GATA4: variants seen among roughly 807,000 people sequenced by gnomAD.
The protein encoded by GATA4 is GATA binding protein 4.
A neutral mutation model predicts 37.9 loss-of-function variants in GATA4; 7 were observed. The ratio of observed to expected loss-of-function variants is 0.18; its 90% CI spans 0.11 to 0.35. GATA4 has a LOEUF of 0.35. GATA4 is among the 10% of genes least tolerant of loss of function. The pLI, the probability that GATA4 is intolerant of heterozygous loss-of-function variation, is 1.00. For synonymous variants in GATA4, 372 were observed against 292.6 expected (o/e 1.27, Z -2.77); for missense variants, 647 against 653.0 (o/e 0.99, Z 0.10).
At chr8:11,750,384 G>A in intron 4 of GATA4, 148 bp downstream of exon 4, 1 of 1,107,712 alleles carries the variant, frequency 9.0e-7, no homozygotes, top group Non-Finnish European at 1.3e-6. Context: ...TACTTTGCTG[G>A]CCTCTTCCGT....
chr8:11,715,305 G>A (rs981894354), intron 2 of GATA4, among the ~76,000 whole-genome samples: 1 of 152,164 alleles, frequency 6.6e-6, no homozygotes, highest in African/African-American at 2.4e-5. Flanking sequence ...TGGTAGAAAA[G>A]GGACTTTCAC....
intron 5 of GATA4, 135 bp downstream of exon 5, chr8:11,755,268 T>C: frequency 1.4e-6 from 1 of 711,442 alleles, no homozygotes; most frequent in Non-Finnish European, 2.5e-6. Flanking sequence ...TCCCTGGCCT[T>C]TCAGGACAGG....
chr8:11,737,201 G>C (rs1462115836), intron 2 of GATA4, among the ~76,000 whole-genome samples: 2 of 151,324 alleles, frequency 1.3e-5, no homozygotes, highest in Non-Finnish European at 2.9e-5. Flanking sequence ...ACCCTTGCTC[G>C]CCTCCTCTTC....
At chr8:11,750,762 G>T (rs1461959349) in intron 4 of GATA4, among the ~76,000 whole-genome samples, 10 of 104,552 alleles carry the variant, frequency 9.6e-5, no homozygotes, top group African/African-American at 3.5e-4. Flanking sequence ...GTGAAACTTT[G>T]TCTCTACTAA....
intron 2 of GATA4, among the ~76,000 whole-genome samples, chr8:11,714,190 T>G (rs1041811491): frequency 2.6e-5 from 4 of 152,234 alleles, no homozygotes; most frequent in Admixed American, 1.3e-4. Flanking sequence ...ACATAAGCAA[T>G]TATGATATTC....
At chr8:11,702,654 T>C (rs1799721756), upstream of GATA4, among the ~76,000 whole-genome samples, 1 of 150,498 alleles carries the variant, frequency 6.6e-6, no homozygotes, top group South Asian at 2.1e-4. This position sits in a 1 kb window ranked among gnomAD's most constrained non-coding sequence, Gnocchi z 4.4. Flanking sequence ...TGGCGCCAAT[T>C]CTGCTAAGTA....
intron 2 of GATA4, among the ~76,000 whole-genome samples, chr8:11,745,569 G>C (rs1169488784): frequency 6.6e-6 from 1 of 152,064 alleles, no homozygotes; most frequent in Non-Finnish European, 1.5e-5. Flanking sequence ...CTGGGGGACA[G>C]AGTGAGACCC....
chr8:11,712,690 TAA>T (rs3030047), intron 2 of GATA4, among the ~76,000 whole-genome samples: 25 of 92,968 alleles, frequency 2.7e-4, no homozygotes, highest in East Asian at 8.5e-4. Flanking sequence ...ACCACATCTC[TAA>T]AAAAAAAAAA....
At chr8:11,735,853 G>A (rs1405715025) in intron 2 of GATA4, among the ~76,000 whole-genome samples, 1 of 152,138 alleles carries the variant, frequency 6.6e-6, no homozygotes, top group Non-Finnish European at 1.5e-5. Context: ...GAGCCACCGC[G>A]CCTAGCTGAG....
chr8:11,730,870 C>T (rs1316940496), intron 2 of GATA4, among the ~76,000 whole-genome samples: 5 of 152,346 alleles, frequency 3.3e-5, no homozygotes, highest in South Asian at 2.1e-4. Flanking sequence ...CTGACTTCCC[C>T]GGCCAGTGCC....
At chr8:11,694,587 T>C (rs532221647) in intron 1 of GATA4, 1 of 825,946 alleles carries the variant, frequency 1.2e-6, no homozygotes, top group Non-Finnish European at 1.5e-6. Context: ...GAAGCCAAAC[T>C]GTCTGCTTTG....
intron 2 of GATA4, among the ~76,000 whole-genome samples, chr8:11,727,341 G>T (rs1800975064): frequency 6.6e-6 from 1 of 152,150 alleles, no homozygotes; most frequent in Non-Finnish European, 1.5e-5. Flanking sequence ...GAATGGACCC[G>T]CCTGCTGGGA....
At chr8:11,742,281 T>G (rs886951262) in intron 2 of GATA4, among the ~76,000 whole-genome samples, 6 of 152,186 alleles carry the variant, frequency 3.9e-5, no homozygotes, top group Non-Finnish European at 2.9e-5. Flanking sequence ...AAAACCTCTT[T>G]GCATATGAGC....
upstream of GATA4, among the ~76,000 whole-genome samples, chr8:11,688,939 G>A (rs559478704): frequency 6.6e-6 from 1 of 152,154 alleles, no homozygotes; most frequent in Non-Finnish European, 1.5e-5. Flanking sequence ...TGATTTATTT[G>A]GGAGGTGAGC....
intron 4 of GATA4, among the ~76,000 whole-genome samples, chr8:11,752,649 A>G (rs953907363): frequency 6.6e-6 from 1 of 152,212 alleles, no homozygotes; most frequent in Non-Finnish European, 1.5e-5. Flanking sequence ...ATATGTGTAC[A>G]GATGTTTGAG....
intron 2 of GATA4, among the ~76,000 whole-genome samples, chr8:11,725,066 C>G (rs948910317): frequency 1.3e-5 from 2 of 152,250 alleles, no homozygotes; most frequent in African/African-American, 4.8e-5. Context: ...GCCTTTCATT[C>G]TCTGCTGTCC....
intron 2 of GATA4, among the ~76,000 whole-genome samples, chr8:11,721,836 C>G (rs1182912146): frequency 7.9e-5 from 12 of 152,172 alleles, no homozygotes; most frequent in African/African-American, 2.9e-4. Flanking sequence ...GGGGACAATA[C>G]TATGATGCAA....
At chr8:11,757,743 G>A (rs1012879796) in intron 6 of GATA4, among the ~76,000 whole-genome samples, 4 of 152,244 alleles carry the variant, frequency 2.6e-5, no homozygotes, top group East Asian at 1.9e-4. Context: ...GGACGATGGC[G>A]TCTCGGCCTC....
rs965948596 is a variant in GATA4, at chr8:11,709,576, G to T, written c.616+648G>T. Among the ~76,000 whole-genome samples, 3 of 41,696 alleles carry T rather than the reference G, an allele frequency of 7.2e-5. No individual in the cohort carries two copies. The highest frequency in any genetic ancestry group is 3.2e-4 in the Non-Finnish European group (3 of 9,458). 27.4% of individuals were successfully genotyped at this position (41,696 alleles called of 152,430 possible). A position where few individuals can be genotyped will look rare whatever the true frequency, so the allele number is the denominator to read the frequency against. On this transcript the variant is annotated intron_variant, in intron 2 of 6. Transcript: ENST00000532059. The surrounding 1 kb of genome is among the most constrained non-coding windows in gnomAD (Gnocchi z 4.3). Reference sequence around the variant, plus strand: ...CGCGTGGGCGCATCATGCGGGCAGCGGGGGGGGGGGCGCACACGCCCGGTC... The same window carrying T: ...CGCGTGGGCGCATCATGCGGGCAGCTGGGGGGGGGGCGCACACGCCCGGTC...
Sources: allele counts gnomAD v4.1 joint callset (sites outside exome capture counted in the v4.1 genomes callset), GRCh38; gene constraint gnomAD v4.1.1; non-coding constraint Gnocchi (gnomAD v3.1); transcripts MANE v1.5; gene names NCBI Gene and HGNC (gene_info 2026-07-23, HGNC 2026-07-21).